SYNPR: variants seen among roughly 807,000 people sequenced by gnomAD.
SYNPR encodes the protein synaptoporin.
SYNPR carries 23 observed loss-of-function variants against 32.9 expected under a neutral mutation model. The observed-to-expected ratio is 0.70, with a 90% CI of 0.50 to 0.99. The LOEUF is 0.99. SYNPR is among the 50% of genes least tolerant of loss of function. SYNPR has a pLI of 0.00. For missense variants in SYNPR, 318 were observed against 349.3 expected, an observed-to-expected ratio of 0.91 and a Z score of 0.71; for synonymous variants, 146 against 135.9, an observed-to-expected ratio of 1.07 and a Z score of -0.52.
chr3:63,222,380 T>G, the SYNPR span, among the ~76,000 whole-genome samples: 1 of 152,190 alleles, frequency 6.6e-6, no homozygotes, highest in East Asian at 1.9e-4. Flanking sequence ...TATTTCAAAT[T>G]TTAAAATTAT....
At chr3:63,544,412 A>G (rs1440927487) in intron 3 of SYNPR, among the ~76,000 whole-genome samples, 1 of 152,154 alleles carries the variant, frequency 6.6e-6, no homozygotes, top group Non-Finnish European at 1.5e-5. Flanking sequence ...TTACAATTCC[A>G]AAGCCGACAG....
chr3:63,416,615 T>C (rs1464190326), intron 2 of SYNPR, among the ~76,000 whole-genome samples: 2 of 150,146 alleles, frequency 1.3e-5, no homozygotes, highest in Non-Finnish European at 3.0e-5. Context: ...TTCATGCTAC[T>C]AATAAAGACA....
At chr3:63,218,081 C>T in the SYNPR span, among the ~76,000 whole-genome samples, 1 of 152,060 alleles carries the variant, frequency 6.6e-6, no homozygotes, top group Admixed American at 6.5e-5. Context: ...TGCAGTGACC[C>T]AAGATTGTGC....
At chr3:63,425,869 G>A (rs1380892319) in intron 2 of SYNPR, among the ~76,000 whole-genome samples, 5 of 148,398 alleles carry the variant, frequency 3.4e-5, no homozygotes, top group East Asian at 2.0e-4. Context: ...TGCAACCTCC[G>A]CCTCCCAGGT....
chr3:63,490,079 T>C (rs1701231158), intron 3 of SYNPR, among the ~76,000 whole-genome samples: 1 of 152,046 alleles, frequency 6.6e-6, no homozygotes, highest in Admixed American at 6.5e-5. Flanking sequence ...GATCAGCTGG[T>C]TGGGGGAAAA....
At chr3:63,252,059 T>C (rs1217806764) in intron 1 of SYNPR, among the ~76,000 whole-genome samples, 3 of 151,924 alleles carry the variant, frequency 2.0e-5, no homozygotes, top group Non-Finnish European at 4.4e-5. Context: ...TATGTATCTA[T>C]TAAAAATAAA....
At chr3:63,333,878 T>C (rs1253604935) in intron 2 of SYNPR, among the ~76,000 whole-genome samples, 5 of 152,196 alleles carry the variant, frequency 3.3e-5, no homozygotes, top group Non-Finnish European at 7.3e-5. Flanking sequence ...TCTATTCTCA[T>C]TCAATGCAAA....
intron 2 of SYNPR, among the ~76,000 whole-genome samples, chr3:63,353,633 C>T (rs919604696): frequency 4.6e-5 from 7 of 152,264 alleles, no homozygotes; most frequent in African/African-American, 1.2e-4. Flanking sequence ...CTGATGATTC[C>T]GATCCTCCTC....
At position 63,244,441 on chromosome 3, in the gene SYNPR, C is replaced by A. The variant is rs573300971; in HGVS notation, n.67-8058C>A. 3.0e-4 allele frequency among the ~76,000 whole-genome samples: 45 copies of A among 152,164 alleles called. No homozygotes were observed. The South Asian group carries it at 8.9e-3, about 30-fold the overall frequency. ...ACAGTCGAGTGATGACAACTCACTG[C>A]AATCTGTGAATTGAGTAGAGATGCT... On this transcript the variant is annotated intron_variant and non_coding_transcript_variant, in intron 1 of 4. Transcript: ENST00000478456.
At chr3:63,418,962 A>G (rs2088575000) in intron 2 of SYNPR, among the ~76,000 whole-genome samples, 1 of 152,236 alleles carries the variant, frequency 6.6e-6, no homozygotes, top group Non-Finnish European at 1.5e-5. Flanking sequence ...TAGAGTCTTA[A>G]TAATTTTCAT....
In SYNPR at chr3:63,278,360, G is replaced by A. The variant is rs1209397018; in HGVS notation, c.-174G>A. 2 of 770,920 alleles carry A rather than the reference G, an allele frequency of 2.6e-6. No individual in the cohort carries two copies. The highest frequency in any genetic ancestry group is 3.5e-5 in the African/African-American group (2 of 56,514). 47.8% of individuals were successfully genotyped at this position (770,920 alleles called of 1,614,324 possible). On this transcript the variant is annotated 5_prime_UTR_variant, in exon 1 of 6. Coordinates refer to ENST00000478300, the MANE Select transcript of SYNPR (RefSeq NM_001130003.2). ...CGACGCGCTGGGTTCCCGGAGCGCAGAGCCCAGCGTTAGCGGGTGGGCTCC... is the reference window on the plus strand; with the variant it reads ...CGACGCGCTGGGTTCCCGGAGCGCAAAGCCCAGCGTTAGCGGGTGGGCTCC...
chr3:63,460,636 T>C (rs1700567712), intron 2 of SYNPR, among the ~76,000 whole-genome samples: 1 of 148,888 alleles, frequency 6.7e-6, no homozygotes, highest in Non-Finnish European at 1.5e-5. Flanking sequence ...AGTAATTTGC[T>C]ATTTGCAAAG....
chr3:63,510,595 C>A (rs1235269231), intron 3 of SYNPR, among the ~76,000 whole-genome samples: 1 of 152,098 alleles, frequency 6.6e-6, no homozygotes, highest in East Asian at 1.9e-4. Context: ...AAGGTTAAAT[C>A]AATAAAGTTA....
chr3:63,487,978 G>T (rs187357530), intron 3 of SYNPR, among the ~76,000 whole-genome samples: 1 of 152,042 alleles, frequency 6.6e-6, no homozygotes, highest in Non-Finnish European at 1.5e-5. Flanking sequence ...TTGCTCTGTC[G>T]TTCCCCCACC....
chr3:63,406,858 A>G (rs1457973501), intron 2 of SYNPR, among the ~76,000 whole-genome samples: 2 of 152,142 alleles, frequency 1.3e-5, no homozygotes, highest in Non-Finnish European at 1.5e-5. Flanking sequence ...TGACCAGAAC[A>G]TAAGTTCCAG....
At chr3:63,299,554 C>G (rs1189900079) in intron 2 of SYNPR, among the ~76,000 whole-genome samples, 1 of 152,062 alleles carries the variant, frequency 6.6e-6, no homozygotes, top group Non-Finnish European at 1.5e-5. Context: ...GCTACCTCAG[C>G]CTCACCTATC....
Position 63,385,800 on chromosome 3 carries a change from G to A in SYNPR, c.85-95032G>A, listed in dbSNP as rs189802171. 1.6e-3 allele frequency among the ~76,000 whole-genome samples: 239 copies of A among 152,272 alleles called. 1 individual carries two copies. The highest frequency in any genetic ancestry group is 2.8e-4 in the Non-Finnish European group (19 of 68,022). On this transcript the variant is annotated intron_variant, in intron 2 of 5. Transcript: ENST00000478300. ...GAAACACGTACAGTATGCTGTTTAC[G>A]CTTCTGATGATGGGGGCTGTCAACA...
chr3:63,344,678 T>C (rs904287670), intron 2 of SYNPR, among the ~76,000 whole-genome samples: 8 of 151,062 alleles, frequency 5.3e-5, no homozygotes, highest in Non-Finnish European at 1.0e-4. Flanking sequence ...ACTGCACAGA[T>C]AGAGTCGATT....
chr3:63,294,184 A>G (rs1344600853), intron 2 of SYNPR, among the ~76,000 whole-genome samples: 1 of 152,204 alleles, frequency 6.6e-6, no homozygotes, highest in East Asian at 1.9e-4. Flanking sequence ...AAAACCTGCA[A>G]GGAATTCCTC....
Sources: gnomAD v4.1 joint callset for allele counts (sites outside exome capture counted in the v4.1 genomes callset) on GRCh38, gnomAD v4.1.1 for gene constraint, MANE v1.5 for transcripts, NCBI Gene and HGNC (gene_info 2026-07-23, HGNC 2026-07-21) for gene names.